SUSD4: variants seen among roughly 807,000 people sequenced by gnomAD.
The protein encoded by SUSD4 is sushi domain containing 4.
SUSD4 carries 41 observed loss-of-function variants against 50.5 expected under a neutral mutation model. The observed-to-expected ratio is 0.81, with a 90% CI of 0.63 to 1.05. SUSD4 has a LOEUF of 1.05. Among genes scored for constraint, SUSD4 ranks in the 50% least tolerant of loss-of-function variants. The pLI, the probability that SUSD4 is intolerant of heterozygous loss-of-function variation, is 0.00. For missense variants in SUSD4, 580 were observed against 634.7 expected (o/e 0.91, Z 0.93); for synonymous variants, 257 against 257.3 (o/e 1.00, Z 0.01).
intron 7 of SUSD4, 77 bp from the exon 8 acceptor site, chr1:223,223,708 A>G (rs1432279198): frequency 7.4e-6 from 11 of 1,476,928 alleles, no homozygotes; most frequent in Non-Finnish European, 7.2e-6. Flanking sequence ...TCCCTCCTGC[A>G]CTCGGGGTCC....
At chr1:223,248,937 G>A (rs1353792319) in intron 5 of SUSD4, among the ~76,000 whole-genome samples, 2 of 152,206 alleles carry the variant, frequency 1.3e-5, no homozygotes, top group East Asian at 1.9e-4. Flanking sequence ...ACAGGTGAGG[G>A]AGCAGGTGCA....
chr1:223,291,945 G>A (rs953370863), intron 3 of SUSD4, among the ~76,000 whole-genome samples: 7 of 152,166 alleles, frequency 4.6e-5, no homozygotes, highest in African/African-American at 1.4e-4. Flanking sequence ...AGAAATAAAT[G>A]TCTACCTCGT....
At chr1:223,305,621 G>C (rs988903164) in intron 2 of SUSD4, among the ~76,000 whole-genome samples, 1 of 152,180 alleles carries the variant, frequency 6.6e-6, no homozygotes, top group East Asian at 1.9e-4. Flanking sequence ...AGGCAAAATA[G>C]ATTTTTCACT....
chr1:223,325,236 C>T lies in SUSD4; in HGVS notation c.149-32585G>A, dbSNP rs1375468009. On this transcript the variant is annotated intron_variant, in intron 2 of 8. Transcript: ENST00000366878. ...AACAAGAAGCAAACAAAAAATAACC[C>T]CAAGCAAATTAAAAAATAAAAATTT... 2.6e-5 allele frequency among the ~76,000 whole-genome samples: 4 copies of T among 151,988 alleles called. No homozygotes were observed. The East Asian group carries it at 7.7e-4, about 29-fold the overall frequency.
intron 2 of SUSD4, among the ~76,000 whole-genome samples, chr1:223,360,481 G>A (rs936811919): frequency 6.6e-6 from 1 of 152,194 alleles, no homozygotes; most frequent in Non-Finnish European, 1.5e-5. Flanking sequence ...CCTGGAGAGA[G>A]CCACCCAAAC....
chr1:223,243,849 C>G (rs1571868488), intron 5 of SUSD4, among the ~76,000 whole-genome samples: 1 of 152,362 alleles, frequency 6.6e-6, no homozygotes, highest in Admixed American at 6.5e-5. Flanking sequence ...CCTCCTCCAG[C>G]ATAGATAAGG....
intron 2 of SUSD4, among the ~76,000 whole-genome samples, chr1:223,328,709 G>A (rs1667012767): frequency 2.0e-5 from 3 of 152,166 alleles, no homozygotes; most frequent in Admixed American, 2.0e-4. Flanking sequence ...GTGTCGACCT[G>A]ATTCAGCCAA....
intron 5 of SUSD4, among the ~76,000 whole-genome samples, chr1:223,240,822 GT>G (rs765840405): frequency 1.6e-4 from 25 of 152,114 alleles, no homozygotes; most frequent in African/African-American, 6.0e-4. Flanking sequence ...TCAAATTTGT[GT>G]TTTTTGCCTT....
intron 2 of SUSD4, among the ~76,000 whole-genome samples, chr1:223,300,619 G>A (rs545415024): frequency 1.0e-3 from 157 of 152,270 alleles, no homozygotes; most frequent in Non-Finnish European, 2.0e-3. Flanking sequence ...CCATTTCTCT[G>A]TAAACTGCTA....
intron 2 of SUSD4, among the ~76,000 whole-genome samples, chr1:223,327,979 C>T (rs1232860251): frequency 1.3e-5 from 2 of 152,070 alleles, no homozygotes; most frequent in Admixed American, 6.5e-5. Context: ...AAGAGAGATC[C>T]CAACACCGGT....
intron 3 of SUSD4, among the ~76,000 whole-genome samples, chr1:223,278,204 T>C (rs900423200): frequency 6.6e-6 from 1 of 152,118 alleles, no homozygotes; most frequent in African/African-American, 2.4e-5. Flanking sequence ...CTGGGGCTTG[T>C]CAGACAGTGG....
chr1:223,283,298 T>C (rs1467901360), intron 3 of SUSD4, among the ~76,000 whole-genome samples: 2 of 152,086 alleles, frequency 1.3e-5, no homozygotes, highest in Admixed American at 6.5e-5. Flanking sequence ...ACAGGCAACC[T>C]ACAGAATGGG....
intron 2 of SUSD4, chr1:223,360,215 A>T (rs953642748): frequency 2.1e-6 from 1 of 470,738 alleles, no homozygotes; most frequent in African/African-American, 2.0e-5. Flanking sequence ...TAAAGGAGTC[A>T]CTTGTTGAGC....
At chr1:223,235,153 TG>T (rs1660133898) in intron 5 of SUSD4, 9 of 1,519,240 alleles carry the variant, frequency 5.9e-6, no homozygotes, top group Admixed American at 4.8e-5. Flanking sequence ...TTCTCTTGAT[TG>T]AAAAAAAAAA....
chr1:223,241,328 C>T (rs375234680), intron 5 of SUSD4, among the ~76,000 whole-genome samples: 1 of 152,180 alleles, frequency 6.6e-6, no homozygotes, highest in East Asian at 1.9e-4. Flanking sequence ...ATGGAGGCCC[C>T]CCATGACTGG....
intron 2 of SUSD4, among the ~76,000 whole-genome samples, chr1:223,311,205 T>C (rs1350699600): frequency 6.6e-6 from 1 of 152,274 alleles, no homozygotes; most frequent in Non-Finnish European, 1.5e-5. Context: ...CATTACATCC[T>C]ATCTGAAGCT....
At chr1:223,326,075 G>A (rs892226349) in intron 2 of SUSD4, among the ~76,000 whole-genome samples, 1 of 152,096 alleles carries the variant, frequency 6.6e-6, no homozygotes, top group African/African-American at 2.4e-5. Flanking sequence ...AAATCTGGAG[G>A]CATAACATTA....
intron 5 of SUSD4, among the ~76,000 whole-genome samples, chr1:223,242,754 G>C (rs1660666245): frequency 6.6e-6 from 1 of 152,242 alleles, no homozygotes. Context: ...GGCTGTATGA[G>C]CTAAGGGCCT....
intron 3 of SUSD4, among the ~76,000 whole-genome samples, chr1:223,287,185 C>T (rs1664201681): frequency 6.6e-6 from 1 of 152,224 alleles, no homozygotes; most frequent in African/African-American, 2.4e-5. Flanking sequence ...AAACAATTCT[C>T]ATGCCTTGGC....
Sources: gnomAD v4.1 joint callset for allele counts (sites outside exome capture counted in the v4.1 genomes callset) on GRCh38, gnomAD v4.1.1 for gene constraint, MANE v1.5 for transcripts, NCBI Gene and HGNC (gene_info 2026-07-23, HGNC 2026-07-21) for gene names.